Variants in UNC13B observed in about 807,000 individuals in gnomAD.
UNC13B encodes unc-13 homolog B.
A neutral mutation model predicts 211.0 loss-of-function variants in UNC13B; 144 were observed. The ratio of observed to expected loss-of-function variants is 0.68; its 90% CI spans 0.60 to 0.78. UNC13B has a LOEUF of 0.78. Ranked by LOEUF, UNC13B falls within the 30% of genes least tolerant of loss-of-function variation. The pLI is 0.00. For synonymous variants in UNC13B, 709 were observed against 725.8 expected (o/e 0.98, Z 0.37); for missense variants, 1,777 against 2,002.0 (o/e 0.89, Z 2.14).
rs1829861399 is a variant in UNC13B, at chr9:35,305,082, G to A, written c.5678G>A (p.Gly1893Glu). 4 of 398,792 alleles carry A rather than the reference G, an allele frequency of 1.0e-5. No homozygotes were observed. The highest frequency in any genetic ancestry group is 1.3e-5 in the Non-Finnish European group (3 of 226,018). The allele number at this position is 398,792 out of a possible 1,614,324, so 24.7% of individuals were successfully genotyped here. Reference protein sequence around the residue: ...ISVSPAPQHSGDERENYELPQ... With the variant: ...ISVSPAPQHSEDERENYELPQ... ...GTTTCTCCTGCACCTCAGCATAGTG[G>A]GGATGAGCGTGAGAATTATGAGCTT... is the stretch of plus-strand genomic sequence containing the variant. The change falls in exon 9 of 40, where the codon GGG (glycine) becomes GAG (glutamate). Residue 1893 changes from glycine (G) to glutamate (E), a missense_variant. Gly to Glu is a moderately conservative substitution (Grantham distance 98, BLOSUM62 -2). Coordinates refer to ENST00000635942, the MANE Select transcript of UNC13B (RefSeq NM_001371189.2).
chr9:35,184,906 A>G (rs192288379), intron 1 of UNC13B, among the ~76,000 whole-genome samples: 9 of 151,772 alleles, frequency 5.9e-5, no homozygotes, highest in Admixed American at 5.2e-4. Context: ...ATGTTTCTTT[A>G]CCTTTGAGTC....
At chr9:35,358,139 C>T (rs1339316822) in intron 11 of UNC13B, among the ~76,000 whole-genome samples, 2 of 152,230 alleles carry the variant, frequency 1.3e-5, no homozygotes, top group African/African-American at 4.8e-5. Context: ...TGAAATTTCA[C>T]TCTGGAATTT....
intron 9 of UNC13B, among the ~76,000 whole-genome samples, chr9:35,308,741 G>C (rs1010028352): frequency 2.0e-5 from 3 of 152,312 alleles, no homozygotes; most frequent in East Asian, 3.9e-4. Context: ...GGAAGAGGTA[G>C]TAAGTAGTTG....
At chr9:35,336,685 A>G (rs1403097496) in intron 11 of UNC13B, among the ~76,000 whole-genome samples, 1 of 152,046 alleles carries the variant, frequency 6.6e-6, no homozygotes, top group Non-Finnish European at 1.5e-5. Context: ...TTATAAAGGC[A>G]CTAATCCCAT....
intron 11 of UNC13B, among the ~76,000 whole-genome samples, chr9:35,355,783 C>T (rs1476848281): frequency 6.6e-6 from 1 of 152,208 alleles, no homozygotes; most frequent in African/African-American, 2.4e-5. Flanking sequence ...TTTGCAGCCT[C>T]TTTTTCTTCT....
chr9:35,282,154 A>G (rs1339841375), intron 7 of UNC13B, among the ~76,000 whole-genome samples: 1 of 152,238 alleles, frequency 6.6e-6, no homozygotes, highest in Non-Finnish European at 1.5e-5. Context: ...TAACACAGAT[A>G]TATAGACAAC....
intron 27 of UNC13B, 112 bp from the exon 28 acceptor site, chr9:35,396,729 A>G: frequency 6.3e-7 from 1 of 1,598,162 alleles, no homozygotes; most frequent in South Asian, 1.1e-5. Flanking sequence ...AGACAAAGAA[A>G]AGTGTTAAAC....
At chr9:35,221,370 T>C (rs930695782) in intron 1 of UNC13B, among the ~76,000 whole-genome samples, 3 of 152,206 alleles carry the variant, frequency 2.0e-5, no homozygotes, top group African/African-American at 4.8e-5. Context: ...ATGCCCGGCC[T>C]GTCCGTCTTG....
chr9:35,188,604 C>T (rs373443719), intron 1 of UNC13B, among the ~76,000 whole-genome samples: 1 of 152,124 alleles, frequency 6.6e-6, no homozygotes, highest in South Asian at 2.1e-4. Flanking sequence ...TCCAGAAAGC[C>T]AGGCATCAGG....
At chr9:35,363,863 G>T (rs1325510087) in intron 11 of UNC13B, among the ~76,000 whole-genome samples, 1 of 152,096 alleles carries the variant, frequency 6.6e-6, no homozygotes, top group East Asian at 1.9e-4. Context: ...AATCAGATTT[G>T]GGATTGCAGT....
chr9:35,344,676 C>T (rs999092112), intron 11 of UNC13B, among the ~76,000 whole-genome samples: 2 of 152,132 alleles, frequency 1.3e-5, no homozygotes, highest in African/African-American at 4.8e-5. Flanking sequence ...GGGTCTCATT[C>T]TAGGTCAAGG....
At chr9:35,393,032 C>G (rs1835638353) in intron 26 of UNC13B, among the ~76,000 whole-genome samples, 1 of 152,098 alleles carries the variant, frequency 6.6e-6, no homozygotes, top group Non-Finnish European at 1.5e-5. Flanking sequence ...TGCAGTAAAT[C>G]CCCACTCCAT....
At chr9:35,314,450 G>A (rs960028272) in intron 11 of UNC13B, among the ~76,000 whole-genome samples, 1 of 152,152 alleles carries the variant, frequency 6.6e-6, no homozygotes, top group Non-Finnish European at 1.5e-5. Context: ...TCAAAAAAAT[G>A]TAAAAACAAA....
At chr9:35,224,176 T>G (rs1266634791) in intron 1 of UNC13B, among the ~76,000 whole-genome samples, 1 of 152,218 alleles carries the variant, frequency 6.6e-6, no homozygotes, top group Non-Finnish European at 1.5e-5. Flanking sequence ...TTGTTTCTAT[T>G]TCTCTGATGA....
chr9:35,314,457 CA>C (rs1230937615), intron 11 of UNC13B, among the ~76,000 whole-genome samples: 3 of 152,112 alleles, frequency 2.0e-5, no homozygotes, highest in Non-Finnish European at 4.4e-5. Flanking sequence ...AATGTAAAAA[CA>C]AAGATAAATA....
At chr9:35,348,636 T>C (rs1479384586) in intron 11 of UNC13B, among the ~76,000 whole-genome samples, 2 of 152,184 alleles carry the variant, frequency 1.3e-5, no homozygotes, top group African/African-American at 4.8e-5. Flanking sequence ...CTTTGTTGAC[T>C]CAGGGACTTG....
Position 35,274,467 on chromosome 9 carries a change from T to C in UNC13B, c.526+15417T>C, listed in dbSNP as rs79358482. On this transcript the variant is annotated intron_variant, in intron 7 of 39. Coordinates refer to ENST00000635942, the MANE Select transcript of UNC13B (RefSeq NM_001371189.2). ...AGAGAACCAGAATCTCTCACCATAA[T>C]TGAATTTTGAAGGGACAGAACTCAG... 6.5e-4 allele frequency among the ~76,000 whole-genome samples: 99 copies of C among 152,316 alleles called. No individual in the cohort carries two copies. In the East Asian group the frequency reaches 0.019, roughly 28 times the overall value.
intron 6 of UNC13B, among the ~76,000 whole-genome samples, chr9:35,254,415 C>G (rs902529407): frequency 6.6e-6 from 1 of 152,064 alleles, no homozygotes; most frequent in African/African-American, 2.4e-5. Context: ...CTCTCTGGAG[C>G]CTCTTTTGTA....
rs1295324930 is a variant in UNC13B, at chr9:35,162,087, G to C, written c.-197G>C. 1 of 784,134 alleles carries C rather than the reference G, an allele frequency of 1.3e-6. No homozygotes were observed. The highest frequency in any genetic ancestry group is 2.0e-6 in the Non-Finnish European group (1 of 496,550). 48.6% of individuals were successfully genotyped at this position (784,134 alleles called of 1,614,324 possible). A position where few individuals can be genotyped will look rare whatever the true frequency, so the allele number is the denominator to read the frequency against. ...CCCAGCCTGCCGGCCGGTACTCACC[G>C]CTACCCGGAGTTCGCTCAGACGGTG... On this transcript the variant is annotated 5_prime_UTR_variant, in exon 1 of 40. Transcript: ENST00000635942.
Sources: gnomAD v4.1 joint callset for allele counts (sites outside exome capture counted in the v4.1 genomes callset) on GRCh38, gnomAD v4.1.1 for gene constraint, MANE v1.5 for transcripts, NCBI Gene and HGNC (gene_info 2026-07-23, HGNC 2026-07-21) for gene names.